HMG20A: variants seen among roughly 807,000 people sequenced by gnomAD.
HMG20A encodes the protein high mobility group protein 20A.
HMG20A carries 17 observed loss-of-function variants against 43.9 expected under a neutral mutation model. That is an observed-to-expected ratio of 0.39 (90% CI 0.27 to 0.58). The LOEUF is 0.58. HMG20A is among the 20% of genes least tolerant of loss of function. The pLI, the probability that HMG20A is intolerant of heterozygous loss-of-function variation, is 0.59. For missense variants in HMG20A, 341 were observed against 438.2 expected, an observed-to-expected ratio of 0.78 and a Z score of 1.98; for synonymous variants, 132 against 147.5, an observed-to-expected ratio of 0.89 and a Z score of 0.76.
chr15:77,434,282 T>G (rs1567390766), intron 1 of HMG20A, among the ~76,000 whole-genome samples: 1 of 152,108 alleles, frequency 6.6e-6, no homozygotes, highest in African/African-American at 2.4e-5. Context: ...GGAAAACACC[T>G]TTATGATCTT....
intron 1 of HMG20A, among the ~76,000 whole-genome samples, chr15:77,448,039 A>G (rs1306051709): frequency 6.6e-6 from 1 of 152,222 alleles, no homozygotes. Context: ...TGTTTTTTCC[A>G]GTTATTTTGA....
chr15:77,507,040 C>A, the HMG20A span, among the ~76,000 whole-genome samples: 1 of 152,206 alleles, frequency 6.6e-6, no homozygotes, highest in Non-Finnish European at 1.5e-5. Context: ...GGGTGGGCTC[C>A]ATCCAATCAG....
the HMG20A span, among the ~76,000 whole-genome samples, chr15:77,502,938 G>A: frequency 3.9e-5 from 6 of 152,148 alleles, no homozygotes; most frequent in Non-Finnish European, 8.8e-5. Context: ...CTGGACTCCA[G>A]GCTAGGCAAC....
chr15:77,507,605 A>T, the HMG20A span, among the ~76,000 whole-genome samples: 1 of 152,250 alleles, frequency 6.6e-6, no homozygotes, highest in African/African-American at 2.4e-5. Context: ...AGCCACGCGA[A>T]GGGCTGCGTG....
chr15:77,447,847 T>C lies in HMG20A; in HGVS notation c.-4-10557T>C, dbSNP rs1484880704. The C allele has an allele frequency of 2.0e-5, 3 of 152,218 alleles. No individual in the cohort carries two copies. In the East Asian group the frequency reaches 5.8e-4, roughly 29 times the overall value. The allele number at this position is 152,218 out of a possible 1,614,324, so 9.4% of individuals were successfully genotyped here. On this transcript the variant is annotated intron_variant, in intron 1 of 9. Coordinates refer to ENST00000336216, the MANE Select transcript of HMG20A (RefSeq NM_001304504.2). ...AATGTTTGTTGAAATATAAACTCTC[T>C]AGGCATTTGCATTAGATGGAGCCTG...
At chr15:77,502,405 C>T in the HMG20A span, among the ~76,000 whole-genome samples, 1 of 152,246 alleles carries the variant, frequency 6.6e-6, no homozygotes, top group Non-Finnish European at 1.5e-5. Flanking sequence ...CTATCTAAAT[C>T]CTACCTCTCT....
the HMG20A span, among the ~76,000 whole-genome samples, chr15:77,500,540 C>T: frequency 6.7e-6 from 1 of 150,200 alleles, no homozygotes; most frequent in Non-Finnish European, 1.5e-5. Context: ...AGACCACTCG[C>T]TGTTCCCCAA....
chr15:77,501,356 A>G, the HMG20A span, among the ~76,000 whole-genome samples: 2 of 152,122 alleles, frequency 1.3e-5, no homozygotes, highest in African/African-American at 4.8e-5. Context: ...TCATTACCAG[A>G]ACACTCTCTT....
At chr15:77,486,802 CAG>C (rs1165219151), downstream of HMG20A, among the ~76,000 whole-genome samples, 2 of 152,180 alleles carry the variant, frequency 1.3e-5, no homozygotes, top group East Asian at 3.8e-4. Flanking sequence ...AGTAAGGTAA[CAG>C]AATCCACCTT....
chr15:77,460,662 C>T (rs2072696841), intron 2 of HMG20A, among the ~76,000 whole-genome samples: 1 of 152,030 alleles, frequency 6.6e-6, no homozygotes, highest in Non-Finnish European at 1.5e-5. Context: ...AGCTCTAAAG[C>T]CTGACCTCTG....
chr15:77,512,395 G>A, the HMG20A span, among the ~76,000 whole-genome samples: 8 of 152,068 alleles, frequency 5.3e-5, no homozygotes, highest in South Asian at 6.2e-4. Flanking sequence ...TGTTAAGATG[G>A]TACATTTTAT....
At chr15:77,427,670 T>C (rs1363801530) in intron 1 of HMG20A, among the ~76,000 whole-genome samples, 1 of 152,190 alleles carries the variant, frequency 6.6e-6, no homozygotes, top group Non-Finnish European at 1.5e-5. Flanking sequence ...ATATGGATTT[T>C]TGAGGATCCT....
rs767227882 is a variant in HMG20A at position 77,437,535 on chromosome 15, C to G, written c.-5+16531C>G. On this transcript the variant is annotated intron_variant, in intron 1 of 9. Coordinates refer to ENST00000336216, the MANE Select transcript of HMG20A (RefSeq NM_001304504.2). ...TGTGCAGATTTTATTTAAGCCCCCACAGAGGAATACACCTACCCACATTTT... is the reference window on the plus strand; with the variant it reads ...TGTGCAGATTTTATTTAAGCCCCCAGAGAGGAATACACCTACCCACATTTT... Among the ~76,000 whole-genome samples the G allele has an allele frequency of 2.6e-5, 4 of 152,122 alleles. No homozygotes were observed. The East Asian group carries it at 7.7e-4, about 29-fold the overall frequency.
chr15:77,423,895 A>G (rs528692526), intron 1 of HMG20A, among the ~76,000 whole-genome samples: 21 of 152,216 alleles, frequency 1.4e-4, no homozygotes, highest in Non-Finnish European at 2.5e-4. Context: ...TGCTGTCTCT[A>G]TTTCATAGCC....
the HMG20A span, among the ~76,000 whole-genome samples, chr15:77,512,813 T>C: frequency 6.6e-6 from 1 of 152,086 alleles, no homozygotes; most frequent in Non-Finnish European, 1.5e-5. Flanking sequence ...AAGTATAATA[T>C]ACTCATTAAT....
chr15:77,421,908 G>A (rs1048881197), intron 1 of HMG20A, among the ~76,000 whole-genome samples: 1 of 152,120 alleles, frequency 6.6e-6, no homozygotes, highest in African/African-American at 2.4e-5. Flanking sequence ...TTTTTAAATG[G>A]TATCTGTTCT....
the HMG20A span, among the ~76,000 whole-genome samples, chr15:77,505,454 T>C: frequency 6.6e-6 from 1 of 152,106 alleles, no homozygotes; most frequent in East Asian, 1.9e-4. Context: ...AGGGACAGCA[T>C]GCTGAGCCCG....
chr15:77,433,006 T>TA (rs1290893600), intron 1 of HMG20A, among the ~76,000 whole-genome samples: 1 of 152,262 alleles, frequency 6.6e-6, no homozygotes, highest in African/African-American at 2.4e-5. Flanking sequence ...AATTGGCATA[T>TA]AAAAAATTGA....
chr15:77,499,605 G>T, the HMG20A span, among the ~76,000 whole-genome samples: 13 of 152,104 alleles, frequency 8.5e-5, no homozygotes, highest in Non-Finnish European at 1.3e-4. Context: ...ACAGGCCTTT[G>T]TGGGGGTCTT....
Sources: gnomAD v4.1 joint callset for allele counts (sites outside exome capture counted in the v4.1 genomes callset) on GRCh38, gnomAD v4.1.1 for gene constraint, MANE v1.5 for transcripts, NCBI Gene and HGNC (gene_info 2026-07-23, HGNC 2026-07-21) for gene names.